The following ARSG variants were observed in gnomAD, a reference collection of about 807,000 sequenced individuals.
ARSG encodes arylsulfatase G.
In ARSG, 37 loss-of-function variants were observed where a neutral mutation model predicts 50.5. That is an observed-to-expected ratio of 0.73 (90% CI 0.56 to 0.96). ARSG has a LOEUF of 0.96. ARSG is among the 50% of genes least tolerant of loss of function. The pLI, the probability that ARSG is intolerant of heterozygous loss-of-function variation, is 0.00. For missense variants in ARSG, 629 were observed against 675.3 expected (o/e 0.93, Z 0.76); for synonymous variants, 225 against 254.6 (o/e 0.88, Z 1.11).
chr17:68,395,225 G>C (rs367621993), intron 10 of ARSG, 32 bp downstream of exon 10: 1 of 1,611,172 alleles, frequency 6.2e-7, no homozygotes, highest in South Asian at 1.1e-5. Flanking sequence ...CCACATGTAG[G>C]CTCTTTAGGA....
chr17:68,319,546 A>T (rs2077197966), intron 2 of ARSG, among the ~76,000 whole-genome samples: 2 of 152,198 alleles, frequency 1.3e-5, no homozygotes, highest in Non-Finnish European at 2.9e-5. Flanking sequence ...AGGAACTGAA[A>T]TATTAACCAG....
At chr17:68,433,663 A>G in the ARSG span, 1 of 1,074,764 alleles carries the variant, frequency 9.3e-7, no homozygotes. Flanking sequence ...TAAGAAAATC[A>G]GATGTATCCT....
At chr17:68,321,035 C>T (rs1347866715) in intron 2 of ARSG, among the ~76,000 whole-genome samples, 6 of 151,932 alleles carry the variant, frequency 3.9e-5, no homozygotes, top group African/African-American at 1.5e-4. Context: ...GATGTGGTGA[C>T]GTGCGGTGGC....
chr17:68,425,702 G>A (rs915358727), downstream of ARSG, among the ~76,000 whole-genome samples: 5 of 152,158 alleles, frequency 3.3e-5, no homozygotes, highest in African/African-American at 4.8e-5. Flanking sequence ...TTCTGCAAAC[G>A]CATCCATGGG....
chr17:68,419,237 C>T (rs886158900), intron 11 of ARSG, among the ~76,000 whole-genome samples: 44 of 152,094 alleles, frequency 2.9e-4, no homozygotes, highest in African/African-American at 9.7e-4. Flanking sequence ...CAAATTTACT[C>T]CTAAAGGGCA....
chr17:68,319,125 A>G (rs2077182173), intron 2 of ARSG, among the ~76,000 whole-genome samples: 2 of 152,186 alleles, frequency 1.3e-5, no homozygotes, highest in African/African-American at 4.8e-5. Context: ...GACAGTCTAA[A>G]CAAGACCAAT....
intron 6 of ARSG, among the ~76,000 whole-genome samples, chr17:68,365,231 G>C (rs2079489035): frequency 6.6e-6 from 1 of 152,200 alleles, no homozygotes; most frequent in Non-Finnish European, 1.5e-5. Flanking sequence ...AGAATTGCTT[G>C]AACCTGGGAG....
chr17:68,444,057 A>G, the ARSG span, among the ~76,000 whole-genome samples: 10 of 152,214 alleles, frequency 6.6e-5, no homozygotes, highest in Admixed American at 2.0e-4. Context: ...GTAATAAAAC[A>G]TATTCTTTAT....
At chr17:68,358,651 C>T (rs11077505) in intron 6 of ARSG, among the ~76,000 whole-genome samples, 77,150 of 150,864 alleles carry the variant, frequency 0.51, 19,827 homozygotes, top group Admixed American at 0.56. Context: ...ATTGTGCCAC[C>T]GCACTCCAGC....
At chr17:68,300,797 T>C (rs2076384756) in intron 1 of ARSG, among the ~76,000 whole-genome samples, 1 of 151,698 alleles carries the variant, frequency 6.6e-6, no homozygotes, top group South Asian at 2.1e-4. Flanking sequence ...CCTGGCATCG[T>C]TGGGTTCACA....
intron 2 of ARSG, among the ~76,000 whole-genome samples, chr17:68,327,170 CAT>C (rs1205739062): frequency 4.0e-5 from 6 of 151,228 alleles, no homozygotes; most frequent in Non-Finnish European, 7.4e-5. Flanking sequence ...ACAGAGTTAA[CAT>C]GTTGAGCTGG....
chr17:68,400,550 A>C (rs1269146033), intron 10 of ARSG: 2 of 150,132 alleles, frequency 1.3e-5, no homozygotes, highest in African/African-American at 5.0e-5. Flanking sequence ...GAACCCTTGG[A>C]AATACTTGTA....
chr17:68,433,388 GA>G, the ARSG span: 1 of 1,265,346 alleles, frequency 7.9e-7, no homozygotes, highest in Non-Finnish European at 1.1e-6. Flanking sequence ...AGAAAGAAAA[GA>G]GATCATTCAT....
intron 1 of ARSG, among the ~76,000 whole-genome samples, chr17:68,263,363 G>C (rs1378289613): frequency 1.3e-5 from 2 of 152,210 alleles, no homozygotes; most frequent in Non-Finnish European, 2.9e-5. Context: ...CTGAAAACAA[G>C]GGCAGCTTCT....
chr17:68,441,625 CT>C, the ARSG span, among the ~76,000 whole-genome samples: 2 of 152,166 alleles, frequency 1.3e-5, no homozygotes, highest in African/African-American at 4.8e-5. Context: ...CAGCTCTGAC[CT>C]GTGCAAGGCT....
chr17:68,328,757 A>C (rs1371105376), intron 2 of ARSG, among the ~76,000 whole-genome samples: 1 of 152,184 alleles, frequency 6.6e-6, no homozygotes, highest in African/African-American at 2.4e-5. Context: ...CTACATGCCT[A>C]GATGCTGGAG....
At chr17:68,309,215 G>A (rs2076742667) in intron 2 of ARSG, among the ~76,000 whole-genome samples, 1 of 152,242 alleles carries the variant, frequency 6.6e-6, no homozygotes, top group Non-Finnish European at 1.5e-5. Context: ...TGCGGGGCCC[G>A]CCAAGCCCAC....
intron 1 of ARSG, among the ~76,000 whole-genome samples, chr17:68,262,595 G>A (rs1262655780): frequency 2.0e-5 from 3 of 152,112 alleles, no homozygotes; most frequent in Non-Finnish European, 4.4e-5. Flanking sequence ...TGTGCTGTAA[G>A]AGGATTACTG....
intron 1 of ARSG, among the ~76,000 whole-genome samples, chr17:68,293,951 C>G (rs139931671): frequency 1.3e-5 from 2 of 152,292 alleles, no homozygotes; most frequent in South Asian, 2.1e-4. Context: ...CGTGAAAACC[C>G]CTGCTTTTTT....
Sources: gnomAD v4.1 joint callset for allele counts (sites outside exome capture counted in the v4.1 genomes callset) on GRCh38, gnomAD v4.1.1 for gene constraint, MANE v1.5 for transcripts, NCBI Gene and HGNC (gene_info 2026-07-23, HGNC 2026-07-21) for gene names.